Variants in PXDNL observed in about 807,000 individuals in gnomAD.
The protein encoded by PXDNL is probable oxidoreductase PXDNL.
Under a neutral mutation model 150.8 loss-of-function variants are expected in PXDNL, and 145 were observed. The ratio of observed to expected loss-of-function variants is 0.96; its 90% CI spans 0.84 to 1.10. The LOEUF (loss-of-function observed/expected upper bound fraction) is 1.10, where lower values mean the gene tolerates loss of function less well. PXDNL is among the 50% of genes least tolerant of loss of function. PXDNL has a pLI of 0.00. For synonymous variants in PXDNL, 757 were observed against 725.7 expected (o/e 1.04, Z -0.69); for missense variants, 2,087 against 1,873.9 (o/e 1.11, Z -2.10).
chr8:51,715,230 G>A (rs1423535111), intron 1 of PXDNL, among the ~76,000 whole-genome samples: 1 of 152,132 alleles, frequency 6.6e-6, no homozygotes, highest in East Asian at 1.9e-4. Flanking sequence ...GACATACAGA[G>A]GGCCAAGAAG....
intron 17 of PXDNL, among the ~76,000 whole-genome samples, chr8:51,402,323 T>C (rs1462545093): frequency 1.3e-5 from 2 of 152,040 alleles, no homozygotes; most frequent in African/African-American, 4.8e-5. Flanking sequence ...GTCAGGAGTT[T>C]GAGACCGGCC....
intron 3 of PXDNL, among the ~76,000 whole-genome samples, chr8:51,578,033 G>A (rs1245194184): frequency 2.8e-5 from 3 of 107,754 alleles, no homozygotes; most frequent in African/African-American, 9.9e-5. Flanking sequence ...AAGGAAGGAA[G>A]GAAGGAAGGA....
intron 1 of PXDNL, among the ~76,000 whole-genome samples, chr8:51,754,511 C>CTTTTTTT (rs34658512): frequency 6.7e-6 from 1 of 149,508 alleles, no homozygotes. Context: ...CAAGTCATTT[C>CTTTTTTT]TTTTTTTTTT....
intron 12 of PXDNL, among the ~76,000 whole-genome samples, chr8:51,441,260 T>G (rs990358868): frequency 3.3e-5 from 5 of 152,214 alleles, no homozygotes; most frequent in African/African-American, 1.2e-4. Context: ...TACAGAACTG[T>G]GAGCCAATTA....
At chr8:51,348,313 T>C (rs989082270) in intron 19 of PXDNL, among the ~76,000 whole-genome samples, 3 of 152,168 alleles carry the variant, frequency 2.0e-5, no homozygotes, top group African/African-American at 7.2e-5. Flanking sequence ...TTCAAGGTCA[T>C]ATAAATAAAA....
At chr8:51,440,232 G>T (rs537271965) in intron 12 of PXDNL, among the ~76,000 whole-genome samples, 1 of 152,160 alleles carries the variant, frequency 6.6e-6, no homozygotes, top group South Asian at 2.1e-4. Context: ...AAGCTATGAG[G>T]ATGAAAAGAG....
At chr8:51,762,167 G>A (rs2037172567) in intron 1 of PXDNL, among the ~76,000 whole-genome samples, 1 of 152,248 alleles carries the variant, frequency 6.6e-6, no homozygotes, top group South Asian at 2.1e-4. Context: ...GGCCTGGGGA[G>A]TCATGCCCTA....
chr8:51,403,837 G>A (rs2082278), intron 17 of PXDNL, among the ~76,000 whole-genome samples: 159 of 152,290 alleles, frequency 1.0e-3, no homozygotes, highest in African/African-American at 3.7e-3. Context: ...TGAGGTCTCG[G>A]TCTCACTGAC....
intron 1 of PXDNL, among the ~76,000 whole-genome samples, chr8:51,711,132 T>A (rs534075828): frequency 7.0e-6 from 1 of 143,726 alleles, no homozygotes; most frequent in South Asian, 2.1e-4. Flanking sequence ...ATTAAAACTT[T>A]GAAATTATCT....
intron 21 of PXDNL, among the ~76,000 whole-genome samples, chr8:51,331,707 C>T (rs896023519): frequency 2.6e-5 from 4 of 152,026 alleles, no homozygotes; most frequent in African/African-American, 2.4e-5. Flanking sequence ...CTGTGACTGC[C>T]GGCTTTTCCT....
At chr8:51,455,778 G>A (rs180996613) in intron 9 of PXDNL, among the ~76,000 whole-genome samples, 33 of 152,266 alleles carry the variant, frequency 2.2e-4, no homozygotes, top group African/African-American at 7.9e-4. Flanking sequence ...TGTAATCCCA[G>A]CACTTTGGGA....
At chr8:51,582,234 A>G (rs958235134) in intron 3 of PXDNL, among the ~76,000 whole-genome samples, 8 of 152,154 alleles carry the variant, frequency 5.3e-5, no homozygotes, top group Non-Finnish European at 1.0e-4. Flanking sequence ...TACTGAGGAA[A>G]GAGGGTGGCT....
intron 1 of PXDNL, among the ~76,000 whole-genome samples, chr8:51,719,296 A>C (rs1190078176): frequency 3.9e-5 from 6 of 152,358 alleles, no homozygotes; most frequent in African/African-American, 1.4e-4. Context: ...TTCTGTACTA[A>C]GAAAAATTCT....
At chr8:51,436,660 G>A (rs1809414702) in intron 12 of PXDNL, among the ~76,000 whole-genome samples, 1 of 152,132 alleles carries the variant, frequency 6.6e-6, no homozygotes, top group South Asian at 2.1e-4. Flanking sequence ...TGTTTGAGCT[G>A]AACAATAATA....
At chr8:51,695,639 C>T (rs116770733) in intron 1 of PXDNL, among the ~76,000 whole-genome samples, 1,620 of 152,220 alleles carry the variant, frequency 0.011, 25 homozygotes, top group African/African-American at 0.032. Context: ...CTGTTCCCTC[C>T]CCAAGTGAAA....
At chr8:51,809,085 A>G in intron 1 of PXDNL, 96 bp downstream of exon 1, 1 of 1,258,934 alleles carries the variant, frequency 7.9e-7, no homozygotes, top group Non-Finnish European at 1.1e-6. Flanking sequence ...AAGCAGGGAG[A>G]GCATTAGGAA....
rs1445575313 is a variant in PXDNL, at chr8:51,426,772, C to T, written c.1526-14G>A. The T allele has an allele frequency of 7.1e-7, 1 of 1,405,724 alleles. No individual in the cohort carries two copies. The highest frequency in any genetic ancestry group is 9.9e-7 in the Non-Finnish European group (1 of 1,005,710). The allele number at this position is 1,405,724 out of a possible 1,614,324, so 87.1% of individuals were successfully genotyped here. On this transcript the variant is annotated splice_polypyrimidine_tract_variant and intron_variant, in intron 12 of 22. Transcript: ENST00000356297. ...ACACTGCAAGAGCTGTGGAAACAAACCAAAATAACATCATGTCAAATAATA... is the reference window on the plus strand; with the variant it reads ...ACACTGCAAGAGCTGTGGAAACAAATCAAAATAACATCATGTCAAATAATA...
intron 12 of PXDNL, among the ~76,000 whole-genome samples, chr8:51,437,942 TA>T (rs1809445697): frequency 6.6e-6 from 1 of 152,188 alleles, no homozygotes; most frequent in Non-Finnish European, 1.5e-5. Flanking sequence ...CTAGAACTGA[TA>T]AATGTATTCA....
chr8:51,588,009 C>T (rs1263665899), intron 3 of PXDNL, among the ~76,000 whole-genome samples: 1 of 151,872 alleles, frequency 6.6e-6, no homozygotes, highest in Non-Finnish European at 1.5e-5. Flanking sequence ...ACACAGGGTA[C>T]CATGTTAGGG....
Sources: allele counts gnomAD v4.1 joint callset (sites outside exome capture counted in the v4.1 genomes callset), GRCh38; gene constraint gnomAD v4.1.1; transcripts MANE v1.5; gene names NCBI Gene and HGNC (gene_info 2026-07-23, HGNC 2026-07-21).